Variants in FAR2 observed in about 807,000 individuals in gnomAD.
FAR2 encodes the protein fatty acyl-CoA reductase 2.
In FAR2, 19 loss-of-function variants were observed where a neutral mutation model predicts 56.0. The observed-to-expected ratio is 0.34, with a 90% CI of 0.24 to 0.50. FAR2 has a LOEUF of 0.50. FAR2 is among the 20% of genes least tolerant of loss of function. FAR2 has a pLI of 0.98. For synonymous variants in FAR2, 219 were observed against 218.8 expected (o/e 1.00, Z -0.01); for missense variants, 508 against 642.2 (o/e 0.79, Z 2.26).
chr12:29,245,063 C>T (rs977307998), intron 1 of FAR2, among the ~76,000 whole-genome samples: 8 of 152,036 alleles, frequency 5.3e-5, no homozygotes, highest in Middle Eastern at 3.2e-3. Flanking sequence ...TCACTGCAAC[C>T]TCCGTCTCCC....
chr12:29,302,702 G>T (rs1949196594), intron 4 of FAR2, among the ~76,000 whole-genome samples: 1 of 152,094 alleles, frequency 6.6e-6, no homozygotes, highest in African/African-American at 2.4e-5. Context: ...TTGCTCATTT[G>T]TTTTCATCAT....
chr12:29,270,108 A>G (rs1371189344), intron 1 of FAR2, among the ~76,000 whole-genome samples: 3 of 152,138 alleles, frequency 2.0e-5, no homozygotes, highest in Admixed American at 6.5e-5. Flanking sequence ...CACTTACTAT[A>G]TTGTATTTAA....
chr12:29,200,099 G>T (rs548459545), intron 1 of FAR2, among the ~76,000 whole-genome samples: 5 of 152,268 alleles, frequency 3.3e-5, no homozygotes, highest in African/African-American at 9.6e-5. Context: ...AAGGGTTAAG[G>T]GTGGCACTTA....
intron 1 of FAR2, among the ~76,000 whole-genome samples, chr12:29,155,845 A>G (rs964503840): frequency 2.6e-5 from 4 of 152,204 alleles, no homozygotes; most frequent in African/African-American, 7.2e-5. Flanking sequence ...CTCTAAGGCT[A>G]TGAAACTCAC....
chr12:29,188,527 G>A (rs1260384913), intron 1 of FAR2, among the ~76,000 whole-genome samples: 1 of 152,146 alleles, frequency 6.6e-6, no homozygotes, highest in African/African-American at 2.4e-5. Flanking sequence ...ATAGTACAGA[G>A]GGTTTCTGCA....
At chr12:29,214,694 G>A (rs955979919) in intron 1 of FAR2, among the ~76,000 whole-genome samples, 3 of 152,038 alleles carry the variant, frequency 2.0e-5, no homozygotes, top group Non-Finnish European at 4.4e-5. Flanking sequence ...GGGGGTGGGT[G>A]CCTGTAATCC....
intron 1 of FAR2, among the ~76,000 whole-genome samples, chr12:29,206,823 A>T (rs968607356): frequency 2.0e-5 from 3 of 152,222 alleles, no homozygotes; most frequent in African/African-American, 7.2e-5. Flanking sequence ...GTGGGCAGGC[A>T]TCAGGGATGA....
rs140168751 is a variant in FAR2, at chr12:29,315,877, C to T, written c.956-964C>T. Among the ~76,000 whole-genome samples the T allele has an allele frequency of 3.6e-4, 55 of 152,156 alleles. No homozygotes were observed. The East Asian group carries it at 8.5e-3, about 23-fold the overall frequency. On this transcript the variant is annotated intron_variant, in intron 8 of 11. Transcript: ENST00000536681. ...TTAAATGTGAATGTCTATTACACAT[C>T]CAGATGGAAATGTTGAACAGGTATA...
chr12:29,207,810 C>A (rs1947492995), intron 1 of FAR2, among the ~76,000 whole-genome samples: 1 of 152,178 alleles, frequency 6.6e-6, no homozygotes, highest in South Asian at 2.1e-4. Context: ...AGATAAAATT[C>A]TGTTAGACCT....
chr12:29,259,865 G>T (rs1254867789), intron 1 of FAR2, among the ~76,000 whole-genome samples: 1 of 152,104 alleles, frequency 6.6e-6, no homozygotes, highest in Non-Finnish European at 1.5e-5. Flanking sequence ...GGGTGTGTTA[G>T]TATTCTGGAG....
chr12:29,327,553 G>A (rs1949668961), intron 10 of FAR2, among the ~76,000 whole-genome samples: 1 of 152,166 alleles, frequency 6.6e-6, no homozygotes, highest in Non-Finnish European at 1.5e-5. Context: ...CACCAAAACA[G>A]AGATAGAGAC....
intron 2 of FAR2, among the ~76,000 whole-genome samples, chr12:29,292,835 G>C (rs192951690): frequency 2.0e-5 from 3 of 152,268 alleles, no homozygotes; most frequent in Non-Finnish European, 4.4e-5. Context: ...TGGAAGTTAG[G>C]TCAGTCCTCA....
intron 1 of FAR2, among the ~76,000 whole-genome samples, chr12:29,185,532 T>A (rs1375144194): frequency 6.6e-6 from 1 of 152,206 alleles, no homozygotes; most frequent in East Asian, 1.9e-4. Flanking sequence ...AGTTCAGCCC[T>A]CAATAAGCCA....
chr12:29,250,404 AT>A (rs1378244255), intron 1 of FAR2, among the ~76,000 whole-genome samples: 1 of 152,196 alleles, frequency 6.6e-6, no homozygotes, highest in Non-Finnish European at 1.5e-5. Flanking sequence ...AGAAAACTGA[AT>A]CTCAGATCTT....
rs775592174 is a variant in FAR2, at chr12:29,267,664, C to T, written c.-38-2748C>T. 6.6e-5 allele frequency among the ~76,000 whole-genome samples: 10 copies of T among 152,294 alleles called. 1 individual carries two copies. In the East Asian group the frequency reaches 1.7e-3, roughly 26 times the overall value. On this transcript the variant is annotated intron_variant, in intron 1 of 11. Transcript: ENST00000536681. ...GTCACTGGGTGAATTGTAATATACT[C>T]ATGTAACATTATGTAACATGACAAA... is the stretch of plus-strand genomic sequence containing the variant.
chr12:29,180,956 C>G lies in FAR2; in HGVS notation c.-39+31549C>G, dbSNP rs189453153. Among the ~76,000 whole-genome samples, 242 of 152,178 alleles carry G rather than the reference C, an allele frequency of 1.6e-3. 2 individuals carry two copies. Among genetic ancestry groups the G allele is most frequent in the African/African-American group, 5.7e-3 (236 of 41,554 alleles). Reference sequence around the variant, plus strand: ...CATTTTTGGTGTGGTAGGAGGATGGCAGCTTCTTTTTTTATCTTTTCCAAG... The same window carrying G: ...CATTTTTGGTGTGGTAGGAGGATGGGAGCTTCTTTTTTTATCTTTTCCAAG... On this transcript the variant is annotated intron_variant, in intron 1 of 11. Coordinates refer to ENST00000536681, the MANE Select transcript of FAR2 (RefSeq NM_001271783.2).
At chr12:29,191,501 G>A (rs986643025) in intron 1 of FAR2, among the ~76,000 whole-genome samples, 2 of 152,236 alleles carry the variant, frequency 1.3e-5, no homozygotes, top group African/African-American at 4.8e-5. Flanking sequence ...AGTGACAGAA[G>A]TTAAATATGA....
chr12:29,255,580 A>G (rs147628647), intron 1 of FAR2, among the ~76,000 whole-genome samples: 12 of 152,330 alleles, frequency 7.9e-5, no homozygotes, highest in African/African-American at 2.9e-4. Context: ...CAGCAAAAGT[A>G]GAGACTATAA....
At chr12:29,294,543 T>C (rs1949025372) in intron 3 of FAR2, among the ~76,000 whole-genome samples, 1 of 152,004 alleles carries the variant, frequency 6.6e-6, no homozygotes, top group South Asian at 2.1e-4. Flanking sequence ...AGAGACGGAG[T>C]TTCATCATGT....
Sources: gnomAD v4.1 joint callset for allele counts (sites outside exome capture counted in the v4.1 genomes callset) on GRCh38, gnomAD v4.1.1 for gene constraint, MANE v1.5 for transcripts, NCBI Gene and HGNC (gene_info 2026-07-23, HGNC 2026-07-21) for gene names.